The following DAB2 variants were observed in gnomAD, a reference collection of about 807,000 sequenced individuals.
DAB2 encodes the protein DAB adaptor protein 2.
A neutral mutation model predicts 71.6 loss-of-function variants in DAB2; 28 were observed. The ratio of observed to expected loss-of-function variants is 0.39; its 90% confidence interval spans 0.29 to 0.54. The LOEUF is 0.54. Ranked by LOEUF, DAB2 falls within the 20% of genes least tolerant of loss-of-function variation. DAB2 has a pLI of 0.68. For synonymous variants in DAB2, 345 were observed against 339.7 expected (o/e 1.02, Z -0.17); for missense variants, 867 against 928.8 (o/e 0.93, Z 0.86).
intron 1 of DAB2, among the ~76,000 whole-genome samples, chr5:39,413,920 G>C (rs191477440): frequency 3.9e-5 from 6 of 152,210 alleles, no homozygotes; most frequent in Admixed American, 3.9e-4. Context: ...AAAGTGAAGG[G>C]AAACCACACA....
At chr5:39,392,269 A>G in intron 4 of DAB2, 96 bp downstream of exon 4, 1 of 848,890 alleles carries the variant, frequency 1.2e-6, no homozygotes, top group Non-Finnish European at 2.0e-6. Flanking sequence ...TTCCCCACAG[A>G]ACTTTGAGAA....
intron 11 of DAB2, among the ~76,000 whole-genome samples, chr5:39,380,126 T>C (rs1754944251): frequency 1.3e-5 from 2 of 152,088 alleles, no homozygotes; most frequent in Non-Finnish European, 2.9e-5. Context: ...CCAGCTCCAC[T>C]TGGGGGTGCA....
chr5:39,414,064 A>C (rs1474499184), intron 1 of DAB2, among the ~76,000 whole-genome samples: 1 of 152,198 alleles, frequency 6.6e-6, no homozygotes, highest in African/African-American at 2.4e-5. Context: ...AAAATTCAAC[A>C]GTAAGTTTTC....
At chr5:39,374,349 TAGAG>T (rs142092930) in intron 14 of DAB2, among the ~76,000 whole-genome samples, 4,369 of 142,328 alleles carry the variant, frequency 0.031, 75 homozygotes, top group Non-Finnish European at 0.047. Flanking sequence ...TCACCTTCTG[TAGAG>T]AAAGAGTTAC....
chr5:39,418,960 G>T (rs1476941200), intron 1 of DAB2, among the ~76,000 whole-genome samples: 1 of 152,186 alleles, frequency 6.6e-6, no homozygotes, highest in Non-Finnish European at 1.5e-5. Context: ...GTCTTACATG[G>T]CAAAGCTAGG....
intron 5 of DAB2, 76 bp downstream of exon 5, chr5:39,390,368 C>G (rs1755198756): frequency 6.7e-7 from 1 of 1,497,018 alleles, no homozygotes; most frequent in African/African-American, 1.4e-5. Flanking sequence ...TCCAGTAAAT[C>G]TTTTAGTTGA....
intron 11 of DAB2, among the ~76,000 whole-genome samples, chr5:39,377,931 A>C (rs1754871403): frequency 6.6e-6 from 1 of 152,252 alleles, no homozygotes; most frequent in South Asian, 2.1e-4. Context: ...GCCAATGCCA[A>C]GATAGTTTTA....
chr5:39,421,434 C>G (rs564189198), intron 1 of DAB2, among the ~76,000 whole-genome samples: 1 of 152,230 alleles, frequency 6.6e-6, no homozygotes, highest in Admixed American at 6.5e-5. Flanking sequence ...GATAAGCAAG[C>G]TGAAGTACAG....
intron 1 of DAB2, among the ~76,000 whole-genome samples, chr5:39,419,522 C>T (rs1343615181): frequency 3.9e-5 from 6 of 152,252 alleles, no homozygotes; most frequent in Admixed American, 2.0e-4. Context: ...AGCAGTGCTT[C>T]GTTAGCCATT....
At chr5:39,411,377 C>T (rs947808880) in intron 1 of DAB2, among the ~76,000 whole-genome samples, 2 of 152,148 alleles carry the variant, frequency 1.3e-5, no homozygotes, top group African/African-American at 4.8e-5. Flanking sequence ...CTCTGAACCA[C>T]TAATGACCTG....
At chr5:39,373,701 G>C (rs1057060763) in intron 14 of DAB2, among the ~76,000 whole-genome samples, 3 of 152,106 alleles carry the variant, frequency 2.0e-5, no homozygotes, top group African/African-American at 7.2e-5. Context: ...CCTAAAGAAG[G>C]AAGGACCTCC....
At chr5:39,412,587 G>C (rs1004734748) in intron 1 of DAB2, among the ~76,000 whole-genome samples, 8 of 152,156 alleles carry the variant, frequency 5.3e-5, no homozygotes, top group Non-Finnish European at 7.4e-5. Context: ...GGAGAAAGGA[G>C]AGTAGAGGAA....
chr5:39,393,850 C>T (rs896374434), intron 2 of DAB2, among the ~76,000 whole-genome samples: 3 of 152,144 alleles, frequency 2.0e-5, no homozygotes, highest in Admixed American at 2.0e-4. Flanking sequence ...ATTATCCCAT[C>T]TTTATAATGT....
intron 11 of DAB2, among the ~76,000 whole-genome samples, chr5:39,379,653 C>T (rs1046885288): frequency 6.6e-5 from 10 of 151,918 alleles, no homozygotes; most frequent in Non-Finnish European, 1.5e-4. Context: ...ATTTTATTAC[C>T]TTCTGAGGCT....
At chr5:39,375,115 TAC>T (rs761551299) in intron 13 of DAB2, 31 bp from the exon 14 acceptor site, 2 of 1,504,988 alleles carry the variant, frequency 1.3e-6, no homozygotes, top group South Asian at 1.2e-5. Flanking sequence ...AGTCAATAAA[TAC>T]AGTTACAGTC....
intron 14 of DAB2, among the ~76,000 whole-genome samples, chr5:39,374,432 A>G (rs748785967): frequency 6.6e-6 from 1 of 152,170 alleles, no homozygotes; most frequent in Non-Finnish European, 1.5e-5. Flanking sequence ...AAAGTTCATG[A>G]GACAGAAGAA....
At chr5:39,403,139 G>A (rs1755539369) in intron 1 of DAB2, among the ~76,000 whole-genome samples, 1 of 152,160 alleles carries the variant, frequency 6.6e-6, no homozygotes, top group African/African-American at 2.4e-5. Context: ...TCTGCTTAAA[G>A]AAATACCAAG....
intron 1 of DAB2, among the ~76,000 whole-genome samples, chr5:39,404,876 G>C (rs1755579461): frequency 1.3e-5 from 2 of 152,226 alleles, no homozygotes; most frequent in African/African-American, 4.8e-5. Context: ...ACTGCACTTG[G>C]CCTTTAGACG....
At chr5:39,384,857 T>A (rs758580704) in intron 9 of DAB2, among the ~76,000 whole-genome samples, 39 of 152,084 alleles carry the variant, frequency 2.6e-4, no homozygotes, top group Non-Finnish European at 5.4e-4. Flanking sequence ...AGTAGTTATC[T>A]TGCATTACCC....
Sources: allele counts gnomAD v4.1 joint callset (sites outside exome capture counted in the v4.1 genomes callset), GRCh38; gene constraint gnomAD v4.1.1; transcripts MANE v1.5; gene names NCBI Gene and HGNC (gene_info 2026-07-23, HGNC 2026-07-21).